Variants in NDUFV2 observed in about 807,000 individuals in gnomAD.
The protein encoded by NDUFV2 is NADH:ubiquinone oxidoreductase core subunit V2.
A neutral mutation model predicts 31.6 loss-of-function variants in NDUFV2; 18 were observed. That is an observed-to-expected ratio of 0.57 (90% CI 0.39 to 0.84). NDUFV2 has a LOEUF of 0.84. NDUFV2 is among the 40% of genes least tolerant of loss of function. NDUFV2 has a pLI of 0.00. For missense variants in NDUFV2, 314 were observed against 303.6 expected, an observed-to-expected ratio of 1.03 and a Z score of -0.26; for synonymous variants, 83 against 99.8, an observed-to-expected ratio of 0.83 and a Z score of 1.01.
At chr18:9,113,596 A>G (rs1387899416) in intron 1 of NDUFV2, among the ~76,000 whole-genome samples, 1 of 152,226 alleles carries the variant, frequency 6.6e-6, no homozygotes, top group African/African-American at 2.4e-5. Flanking sequence ...AAAAAGAAGA[A>G]GTAAAAACTA....
chr18:9,122,488 A>G lies in NDUFV2; in HGVS notation c.301-25A>G, dbSNP rs533760531. 1,085 of 1,573,744 alleles carry G rather than the reference A, an allele frequency of 6.9e-4. 13 individuals are homozygous for G. The South Asian group carries it at 0.011, about 16-fold the overall frequency. ...CCATTACTAACACTGTAATTATCTT[A>G]TTTTTAAATGTCCTAATATTTTAGG... On this transcript the variant is annotated intron_variant, in intron 4 of 7. Transcript: ENST00000318388.
At chr18:9,128,017 C>T (rs867636568) in intron 7 of NDUFV2, among the ~76,000 whole-genome samples, 1 of 152,160 alleles carries the variant, frequency 6.6e-6, no homozygotes, top group Non-Finnish European at 1.5e-5. Context: ...CTTGGATTTT[C>T]ACTTTTAAAC....
At chr18:9,118,822 T>TG (rs2077913264) in intron 2 of NDUFV2, among the ~76,000 whole-genome samples, 1 of 147,238 alleles carries the variant, frequency 6.8e-6, no homozygotes, top group Non-Finnish European at 1.5e-5. Flanking sequence ...GCTGTTTTTT[T>TG]TTTTTTTTTT....
chr18:9,120,168 T>G (rs940227364), intron 4 of NDUFV2, among the ~76,000 whole-genome samples: 11 of 152,180 alleles, frequency 7.2e-5, no homozygotes, highest in African/African-American at 2.7e-4. Flanking sequence ...ATTTCAAGTT[T>G]ATTCGTATCC....
intron 5 of NDUFV2, among the ~76,000 whole-genome samples, chr18:9,123,244 A>G (rs1336304286): frequency 2.0e-5 from 3 of 152,240 alleles, no homozygotes; most frequent in African/African-American, 4.8e-5. Context: ...GTTATTGAAT[A>G]TAATATGTGC....
intron 5 of NDUFV2, 33 bp from the exon 6 acceptor site, chr18:9,124,841 C>G: frequency 6.3e-7 from 1 of 1,582,240 alleles, no homozygotes. Flanking sequence ...TAAAATATAA[C>G]CTGGTCCTTA....
intron 5 of NDUFV2, among the ~76,000 whole-genome samples, chr18:9,124,079 A>G (rs2144750239): frequency 6.6e-6 from 1 of 152,312 alleles, no homozygotes; most frequent in South Asian, 2.1e-4. Context: ...AGCCTGATGC[A>G]CTGCTGTATA....
chr18:9,123,240 GAATAT>G, intron 5 of NDUFV2, among the ~76,000 whole-genome samples: 1 of 152,208 alleles, frequency 6.6e-6, no homozygotes. Context: ...TTTTGTTATT[GAATAT>G]AATATGTGCA....
At chr18:9,109,609 G>A (rs1473864482) in intron 1 of NDUFV2, among the ~76,000 whole-genome samples, 3 of 152,238 alleles carry the variant, frequency 2.0e-5, no homozygotes, top group Admixed American at 2.0e-4. Context: ...GCCAGTGACA[G>A]TAAAAGGGAA....
At position 9,117,100 on chromosome 18, in the gene NDUFV2, G is replaced by A. The variant is rs368222244; in HGVS notation, c.55-738G>A. Among the ~76,000 whole-genome samples the A allele has an allele frequency of 1.6e-3, 240 of 151,072 alleles. 1 individual carries two copies. The South Asian group carries it at 0.046, about 29-fold the overall frequency. On this transcript the variant is annotated intron_variant, in intron 1 of 7. Coordinates refer to ENST00000318388, the MANE Select transcript of NDUFV2 (RefSeq NM_021074.5). ...TGCTCAGGCTGGAGTGCGGTGGCGC[G>A]ATCTCGGCTCACTGCAACCTCTGCC...
rs533853497 is a variant in NDUFV2 at position 9,115,080 on chromosome 18, A to G, written c.55-2758A>G. ...AGGAGAAATAGGTTTTACAATAGAG[A>G]TAAGTTTTTCTTATACCTGCTGAGT... is the stretch of plus-strand genomic sequence containing the variant. On this transcript the variant is annotated intron_variant, in intron 1 of 7. Coordinates refer to ENST00000318388, the MANE Select transcript of NDUFV2 (RefSeq NM_021074.5). Among the ~76,000 whole-genome samples the G allele has an allele frequency of 3.3e-5, 5 of 152,334 alleles. No individual in the cohort carries two copies. The East Asian group carries it at 7.7e-4, about 23-fold the overall frequency.
intron 1 of NDUFV2, among the ~76,000 whole-genome samples, chr18:9,107,353 T>A (rs2077847038): frequency 6.6e-6 from 1 of 152,248 alleles, no homozygotes. Context: ...TTGCCCATGC[T>A]GTATAACCTA....
chr18:9,119,118 A>C (rs996180216), intron 2 of NDUFV2, among the ~76,000 whole-genome samples: 29 of 152,008 alleles, frequency 1.9e-4, no homozygotes, highest in African/African-American at 6.3e-4. Context: ...GTCCTTTGTA[A>C]ATTTTTAAAT....
In NDUFV2 at chr18:9,117,912, T is replaced by G. The variant is rs779472105; in HGVS notation, c.120+9T>G. The G allele has an allele frequency of 7.7e-6, 12 of 1,565,166 alleles. No homozygotes were observed. Among genetic ancestry groups the G allele is most frequent in the Non-Finnish European group, 1.1e-5 (12 of 1,135,762 alleles). On this transcript the variant is annotated intron_variant, in intron 2 of 7. Coordinates refer to ENST00000318388, the MANE Select transcript of NDUFV2 (RefSeq NM_021074.5). ...GAGGAGCTTTATTTGTGGTAAGTAATTACTTAGATTTCTTTGGAAAGAAAA... is the reference window on the plus strand; with the variant it reads ...GAGGAGCTTTATTTGTGGTAAGTAAGTACTTAGATTTCTTTGGAAAGAAAA...
chr18:9,105,254 CCTAAT>C (rs1325045465), intron 1 of NDUFV2, among the ~76,000 whole-genome samples: 1 of 152,200 alleles, frequency 6.6e-6, no homozygotes, highest in East Asian at 1.9e-4. Flanking sequence ...AAAGAAATTG[CCTAAT>C]CTAATTTCTG....
chr18:9,106,090 T>G (rs1183386033), intron 1 of NDUFV2, among the ~76,000 whole-genome samples: 1 of 152,212 alleles, frequency 6.6e-6, no homozygotes, highest in African/African-American at 2.4e-5. Context: ...GGTTCCGTTC[T>G]TTTAGCTAGG....
chr18:9,112,180 G>C (rs1053698247), intron 1 of NDUFV2, among the ~76,000 whole-genome samples: 10 of 151,696 alleles, frequency 6.6e-5, no homozygotes, highest in African/African-American at 2.4e-4. Flanking sequence ...CACCACACGC[G>C]GTGAATTTTT....
At chr18:9,118,258 C>A (rs530616699) in intron 2 of NDUFV2, among the ~76,000 whole-genome samples, 15 of 152,248 alleles carry the variant, frequency 9.9e-5, no homozygotes, top group African/African-American at 3.6e-4. Flanking sequence ...GTTTGAAACT[C>A]ATGGATTTTA....
In NDUFV2 at chr18:9,134,296, A is replaced by AAT. The variant is rs749733836; in HGVS notation, c.*20_*21dup. 4 of 1,540,418 alleles carry AAT rather than the reference A, an allele frequency of 2.6e-6. No individual in the cohort carries two copies. In the African/African-American group the frequency reaches 5.5e-5, roughly 21 times the overall value. Reference sequence around the variant, plus strand: ...GGCCTTTAATTTATATTGAACTGTAAATATGTCACTAGAGAAATAAAATAT... The same window carrying AAT: ...GGCCTTTAATTTATATTGAACTGTAAATATATGTCACTAGAGAAATAAAATAT... On this transcript the variant is annotated 3_prime_UTR_variant, in exon 8 of 8. Transcript: ENST00000318388.
Sources: allele counts gnomAD v4.1 joint callset (sites outside exome capture counted in the v4.1 genomes callset), GRCh38; gene constraint gnomAD v4.1.1; transcripts MANE v1.5; gene names NCBI Gene and HGNC (gene_info 2026-07-23, HGNC 2026-07-21).